TSEN2: variants seen among roughly 807,000 people sequenced by gnomAD.
TSEN2 encodes the protein tRNA splicing endonuclease subunit 2, also known as tRNA-splicing endonuclease subunit Sen2.
In TSEN2, 54 loss-of-function variants were observed where a neutral mutation model predicts 59.2. The observed-to-expected ratio is 0.91, with a 90% CI of 0.73 to 1.14. TSEN2 has a LOEUF of 1.14. TSEN2 is among the 50% of genes most tolerant of loss of function. The pLI is 0.00. For missense variants in TSEN2, 636 were observed against 576.2 expected (o/e 1.10, Z -1.06); for synonymous variants, 195 against 198.2 (o/e 0.98, Z 0.14).
At chr3:12,520,404 A>T (rs1222264768) in intron 8 of TSEN2, among the ~76,000 whole-genome samples, 1 of 152,196 alleles carries the variant, frequency 6.6e-6, no homozygotes, top group Admixed American at 6.5e-5. Context: ...TTGAATTCTG[A>T]AGCCCACGCT....
At chr3:12,514,230 T>C (rs963198173) in intron 6 of TSEN2, among the ~76,000 whole-genome samples, 5 of 151,620 alleles carry the variant, frequency 3.3e-5, no homozygotes, top group Non-Finnish European at 7.4e-5. Context: ...ATAGTAGGAG[T>C]AGTGATTACA....
At chr3:12,493,494 C>T (rs559428067) in intron 3 of TSEN2, among the ~76,000 whole-genome samples, 196 of 152,242 alleles carry the variant, frequency 1.3e-3, no homozygotes, top group African/African-American at 4.5e-3. Flanking sequence ...TTTGGGAGGC[C>T]GAGGCGGGCA....
chr3:12,533,659 CAAAAAAAAAAAAAA>C (rs11322690), downstream of TSEN2: 6 of 53,596 alleles, frequency 1.1e-4, no homozygotes, highest in African/African-American at 2.4e-4. Context: ...GGTCCTGTCT[CAAAAAAAAAAAAAA>C]AAAAAAAAAA....
rs73142744 is a variant in TSEN2 at position 12,520,798 on chromosome 3, T to A, written c.1099+1601T>A. ...GAGACTCCACCTCAAAAAAAAAAAA[T>A]TTTTAGGTTCAAGGGTACATGTGCA... On this transcript the variant is annotated intron_variant, in intron 8 of 11. Transcript: ENST00000284995. Among the ~76,000 whole-genome samples the A allele has an allele frequency of 2.2e-3, 328 of 151,266 alleles. 1 individual carries two copies. The highest frequency in any genetic ancestry group is 6.9e-3 in the African/African-American group (283 of 41,154).
intron 6 of TSEN2, among the ~76,000 whole-genome samples, chr3:12,512,434 C>T (rs17036870): frequency 0.026 from 3,966 of 152,262 alleles, 176 homozygotes; most frequent in African/African-American, 0.089. Flanking sequence ...GTATACACAA[C>T]GACCAGCACA....
upstream of TSEN2, among the ~76,000 whole-genome samples, chr3:12,483,488 C>T (rs1337480930): frequency 6.6e-6 from 1 of 152,192 alleles, no homozygotes; most frequent in Non-Finnish European, 1.5e-5. Flanking sequence ...GGCAAGAAGT[C>T]TCCTGGAAGA....
intron 2 of TSEN2, among the ~76,000 whole-genome samples, chr3:12,491,139 T>A (rs915622838): frequency 6.6e-6 from 1 of 152,068 alleles, no homozygotes; most frequent in African/African-American, 2.4e-5. Flanking sequence ...TACAGGCGCA[T>A]GCCACCATGC....
rs1269897699 is a variant in TSEN2 at position 12,496,572 on chromosome 3, T to C, written c.308+18T>C. The C allele has an allele frequency of 6.2e-7, 1 of 1,613,862 alleles. No individual in the cohort carries two copies. Among genetic ancestry groups the C allele is most frequent in the African/African-American group, 1.3e-5 (1 of 74,934 alleles). ...TCAAAGAGGTAAGTCATAATGAACT[T>C]TGGCTTCTGTCAAAATGATGGTTTA... On this transcript the variant is annotated intron_variant, in intron 4 of 11. Transcript: ENST00000284995.
chr3:12,539,394 A>G (rs1483977787), exon 11 of TSEN2: 2 of 305,592 alleles, frequency 6.5e-6, no homozygotes, highest in Admixed American at 9.8e-5. Context: ...TTGGCCTCCC[A>G]AAGTGCTGAG....
At chr3:12,530,131 T>C (rs1006661633) in intron 10 of TSEN2, 13 of 1,377,202 alleles carry the variant, frequency 9.4e-6, no homozygotes, top group Admixed American at 3.3e-5. Flanking sequence ...GAGTGTCCCA[T>C]GGTGATCTGA....
intron 3 of TSEN2, among the ~76,000 whole-genome samples, chr3:12,496,282 C>G (rs985928987): frequency 6.6e-6 from 1 of 152,224 alleles, no homozygotes; most frequent in African/African-American, 2.4e-5. Flanking sequence ...GAGAAGAATT[C>G]TGAGGTCCCC....
chr3:12,485,875 G>C (rs1037300167), intron 1 of TSEN2, among the ~76,000 whole-genome samples: 2 of 152,144 alleles, frequency 1.3e-5, no homozygotes, highest in Non-Finnish European at 1.5e-5. Flanking sequence ...AGTACAGTCA[G>C]CTCTCGCTAT....
At chr3:12,531,332 A>G (rs1237713795) in intron 10 of TSEN2, 2 of 513,814 alleles carry the variant, frequency 3.9e-6, no homozygotes, top group Non-Finnish European at 7.1e-6. Flanking sequence ...TGCTGTGTTT[A>G]TAATCAATGT....
downstream of TSEN2, among the ~76,000 whole-genome samples, chr3:12,538,648 G>C (rs1415438055): frequency 1.3e-5 from 2 of 152,172 alleles, no homozygotes; most frequent in Admixed American, 6.5e-5. Context: ...AAGTGAAGTA[G>C]TACATCACAT....
upstream of TSEN2, among the ~76,000 whole-genome samples, chr3:12,481,994 C>G (rs2052199353): frequency 6.6e-6 from 1 of 151,156 alleles, no homozygotes. Context: ...TTAGAGATAC[C>G]TACTGAAATA....
chr3:12,503,280 G>C lies in TSEN2; in HGVS notation c.327G>C (p.Glu109Asp). 2.5e-6 allele frequency: 4 copies of C among 1,614,174 alleles called. No homozygotes were observed. The highest frequency in any genetic ancestry group is 3.4e-6 in the Non-Finnish European group (4 of 1,180,036). ...ITSKRYQHSV[E>D]WAAELMRRQG... The stretch of plus-strand genomic sequence containing the variant: ...CTTGCAGGTATCAGCATAGTGTTGA[G>C]TGGGCAGCAGAGCTGATGCGTAGAC... Residue 109 changes from glutamate to aspartate, a missense_variant, in exon 5 of 12, where the codon GAG becomes GAC. By Grantham distance (45) the Glu-to-Asp change is conservative (BLOSUM62 2). Coordinates refer to ENST00000284995, the MANE Select transcript of TSEN2 (RefSeq NM_025265.4).
intron 6 of TSEN2, among the ~76,000 whole-genome samples, chr3:12,510,483 T>C (rs2055322386): frequency 1.3e-5 from 2 of 152,172 alleles, no homozygotes. Context: ...ATAAAGACAA[T>C]AGTCCCCACA....
intron 4 of TSEN2, among the ~76,000 whole-genome samples, chr3:12,501,887 T>C (rs192578681): frequency 6.1e-4 from 93 of 152,356 alleles, no homozygotes; most frequent in Admixed American, 1.5e-3. Context: ...AGTTCTCACA[T>C]CACATGAACA....
At chr3:12,485,824 C>A (rs1340566560) in intron 1 of TSEN2, among the ~76,000 whole-genome samples, 1 of 152,198 alleles carries the variant, frequency 6.6e-6, no homozygotes, top group Non-Finnish European at 1.5e-5. Flanking sequence ...TTTTTGTGCA[C>A]CTCAGGCACC....
Sources: allele counts gnomAD v4.1 joint callset (sites outside exome capture counted in the v4.1 genomes callset), GRCh38; gene constraint gnomAD v4.1.1; transcripts MANE v1.5; gene names NCBI Gene and HGNC (gene_info 2026-07-23, HGNC 2026-07-21).